The following PTPRT variants were observed in gnomAD, a reference collection of about 807,000 sequenced individuals.
PTPRT encodes the protein receptor-type tyrosine-protein phosphatase T.
A neutral mutation model predicts 176.8 loss-of-function variants in PTPRT; 56 were observed. The observed-to-expected ratio is 0.32, with a 90% CI of 0.26 to 0.40. The LOEUF is 0.40. Ranked by LOEUF, PTPRT falls within the 10% of genes least tolerant of loss-of-function variation. PTPRT has a pLI of 1.00. For missense variants in PTPRT, 1,540 were observed against 1,908.2 expected (o/e 0.81, Z 3.60); for synonymous variants, 783 against 739.0 (o/e 1.06, Z -0.96).
chr20:43,158,436 C>T (rs1302369261), intron 1 of PTPRT, among the ~76,000 whole-genome samples: 1 of 152,208 alleles, frequency 6.6e-6, no homozygotes, highest in African/African-American at 2.4e-5. Context: ...ACTGGAGATA[C>T]AAATTCGGGA....
chr20:42,821,715 T>G (rs2077897381), intron 2 of PTPRT, among the ~76,000 whole-genome samples: 1 of 152,114 alleles, frequency 6.6e-6, no homozygotes, highest in Non-Finnish European at 1.5e-5. Context: ...CAGCAAAGTC[T>G]CGGGATACAA....
intron 9 of PTPRT, among the ~76,000 whole-genome samples, chr20:42,366,838 C>G (rs116317784): frequency 6.6e-6 from 1 of 152,200 alleles, no homozygotes; most frequent in Non-Finnish European, 1.5e-5. Flanking sequence ...GTAAAACCCA[C>G]GAAGTGAGCA....
At chr20:42,194,228 A>G (rs1007590705) in intron 16 of PTPRT, among the ~76,000 whole-genome samples, 2 of 152,188 alleles carry the variant, frequency 1.3e-5, no homozygotes, top group Admixed American at 1.3e-4. Context: ...AGACCGTGCC[A>G]CATGGCTTAC....
At chr20:42,214,745 T>A (rs899012149) in intron 15 of PTPRT, among the ~76,000 whole-genome samples, 2 of 152,134 alleles carry the variant, frequency 1.3e-5, no homozygotes, top group African/African-American at 2.4e-5. Context: ...CACCCAGCAG[T>A]GAAATCAGAG....
intron 6 of PTPRT, among the ~76,000 whole-genome samples, chr20:42,738,877 G>T (rs1258871280): frequency 6.6e-6 from 1 of 152,154 alleles, no homozygotes; most frequent in Non-Finnish European, 1.5e-5. Context: ...TTTGAGACTA[G>T]CCTGGGCAAC....
At chr20:42,865,074 G>C (rs208271) in intron 2 of PTPRT, among the ~76,000 whole-genome samples, 152,276 of 152,360 alleles carry the variant, frequency 1, 76,096 homozygotes, top group Middle Eastern at 1. Flanking sequence ...TCCACGTGCA[G>C]TCAAGACTCT....
At chr20:42,261,589 C>G (rs1259640687) in intron 13 of PTPRT, among the ~76,000 whole-genome samples, 1 of 152,038 alleles carries the variant, frequency 6.6e-6, no homozygotes, top group Non-Finnish European at 1.5e-5. Context: ...AAAGGGTTCA[C>G]AGCCAAATGG....
chr20:42,686,684 G>T (rs1385086210), intron 6 of PTPRT, among the ~76,000 whole-genome samples: 1 of 151,580 alleles, frequency 6.6e-6, no homozygotes, highest in African/African-American at 2.4e-5. Context: ...GGTAGAGACG[G>T]GGTTTCACCA....
At position 42,084,769 on chromosome 20, in the gene PTPRT, T is replaced by C; in HGVS notation, c.4049A>G (p.Lys1350Arg). The change falls in exon 29 of 31, where the codon AAG becomes AGG. Residue 1350 changes from lysine to arginine, a missense_variant. Lys to Arg is a conservative substitution (Grantham distance 26). Transcript: ENST00000373187. Reference sequence around the variant, plus strand: ...TCGGACCACTTTGAGCAGAGAGCGCTTGGAGGGGGGCGTGTCCCGGTAGGC... The same window carrying C: ...TCGGACCACTTTGAGCAGAGAGCGCCTGGAGGGGGGCGTGTCCCGGTAGGC... The part of the protein sequence containing the change: ...WPAYRDTPPS[K>R]RSLLKVVRRL... The C allele has an allele frequency of 6.4e-7, 1 of 1,562,236 alleles. No homozygotes were observed. Among genetic ancestry groups the C allele is most frequent in the Non-Finnish European group, 8.7e-7 (1 of 1,150,252 alleles).
At chr20:42,397,645 A>T (rs76797827) in intron 9 of PTPRT, among the ~76,000 whole-genome samples, 1 of 152,182 alleles carries the variant, frequency 6.6e-6, no homozygotes, top group African/African-American at 2.4e-5. Context: ...GGTCTGCATA[A>T]TATTCCAGGG....
At chr20:42,446,372 T>C (rs1479603004) in intron 9 of PTPRT, among the ~76,000 whole-genome samples, 1 of 152,186 alleles carries the variant, frequency 6.6e-6, no homozygotes, top group Non-Finnish European at 1.5e-5. Flanking sequence ...TAAAACGATG[T>C]AAATAAAAGA....
intron 7 of PTPRT, among the ~76,000 whole-genome samples, chr20:42,538,281 C>A (rs1172917720): frequency 6.6e-6 from 1 of 152,122 alleles, no homozygotes; most frequent in African/African-American, 2.4e-5. Context: ...CAGCAGGACA[C>A]CCCTCTCAAG....
At chr20:42,127,477 A>G (rs977356716) in intron 19 of PTPRT, among the ~76,000 whole-genome samples, 12 of 152,180 alleles carry the variant, frequency 7.9e-5, no homozygotes, top group African/African-American at 2.9e-4. Flanking sequence ...AATAGATCTG[A>G]GGGCAAGCAG....
chr20:42,613,074 T>C (rs1282600662), intron 7 of PTPRT, among the ~76,000 whole-genome samples: 6 of 152,256 alleles, frequency 3.9e-5, no homozygotes, highest in Admixed American at 2.6e-4. Context: ...ATTTTCCACA[T>C]TTTCTTCCAT....
At chr20:42,146,746 T>G (rs1230665600) in intron 17 of PTPRT, among the ~76,000 whole-genome samples, 1 of 152,242 alleles carries the variant, frequency 6.6e-6, no homozygotes, top group Admixed American at 6.5e-5. Context: ...ACCCAGTGAT[T>G]CCTCTTGCCA....
At chr20:42,753,488 A>C (rs2076791521) in intron 6 of PTPRT, among the ~76,000 whole-genome samples, 1 of 152,212 alleles carries the variant, frequency 6.6e-6, no homozygotes, top group Non-Finnish European at 1.5e-5. Flanking sequence ...GATGTGTAAT[A>C]AAATTACACC....
intron 7 of PTPRT, among the ~76,000 whole-genome samples, chr20:42,631,652 T>A (rs980508899): frequency 5.3e-5 from 8 of 152,118 alleles, no homozygotes; most frequent in African/African-American, 1.9e-4. Context: ...GGTAAAACAT[T>A]TAAACTCTTG....
At chr20:42,622,443 T>G (rs1172407967) in intron 7 of PTPRT, among the ~76,000 whole-genome samples, 2 of 152,118 alleles carry the variant, frequency 1.3e-5, no homozygotes, top group Non-Finnish European at 2.9e-5. Context: ...GGTTTCACCT[T>G]GTTAGCCAGG....
At chr20:42,439,507 A>C (rs1421234480) in intron 9 of PTPRT, among the ~76,000 whole-genome samples, 1 of 152,220 alleles carries the variant, frequency 6.6e-6, no homozygotes, top group Non-Finnish European at 1.5e-5. Flanking sequence ...TTAATCCTTA[A>C]AAAAATTAAC....
Sources: allele counts gnomAD v4.1 joint callset (sites outside exome capture counted in the v4.1 genomes callset), GRCh38; gene constraint gnomAD v4.1.1; transcripts MANE v1.5; gene names NCBI Gene and HGNC (gene_info 2026-07-23, HGNC 2026-07-21).